Variants in DNM3 observed in about 807,000 individuals in gnomAD.
DNM3 encodes dynamin-3.
Under a neutral mutation model 101.6 loss-of-function variants are expected in DNM3, and 47 were observed. The observed-to-expected ratio is 0.46, with a 90% CI of 0.37 to 0.59. DNM3 has a LOEUF of 0.59. Ranked by LOEUF, DNM3 falls within the 20% of genes least tolerant of loss-of-function variation. The pLI is 0.00. For synonymous variants in DNM3, 385 were observed against 387.9 expected (o/e 0.99, Z 0.09); for missense variants, 849 against 1,085.7 (o/e 0.78, Z 3.06).
At chr1:172,144,408 GA>G (rs2057764117) in intron 14 of DNM3, 1 of 231,182 alleles carries the variant, frequency 4.3e-6, no homozygotes, top group Non-Finnish European at 9.1e-6. Flanking sequence ...CAGTGTCCCC[GA>G]GGGCTTCTTG....
chr1:172,075,585 CT>C (rs1240042531), intron 11 of DNM3, among the ~76,000 whole-genome samples: 2 of 152,004 alleles, frequency 1.3e-5, no homozygotes, highest in South Asian at 2.1e-4. Flanking sequence ...TTCCCCATTG[CT>C]TTTTTTTGGT....
intron 14 of DNM3, among the ~76,000 whole-genome samples, chr1:172,208,176 A>G (rs2060386802): frequency 6.6e-6 from 1 of 152,134 alleles, no homozygotes; most frequent in East Asian, 1.9e-4. Flanking sequence ...GATTTAGAAG[A>G]GAGGAGACCA....
chr1:172,201,111 T>C (rs997370431), intron 14 of DNM3, among the ~76,000 whole-genome samples: 1 of 152,154 alleles, frequency 6.6e-6, no homozygotes, highest in African/African-American at 2.4e-5. Flanking sequence ...CCTTTTTGTC[T>C]CTGGTTTAAG....
At chr1:172,076,828 A>G (rs2052692062) in intron 11 of DNM3, among the ~76,000 whole-genome samples, 1 of 152,220 alleles carries the variant, frequency 6.6e-6, no homozygotes, top group Non-Finnish European at 1.5e-5. Flanking sequence ...CGTTGGCATC[A>G]TAAAATGAGT....
At chr1:172,104,795 T>A (rs2054893624) in intron 13 of DNM3, among the ~76,000 whole-genome samples, 2 of 152,164 alleles carry the variant, frequency 1.3e-5, no homozygotes, top group South Asian at 2.1e-4. Context: ...TTATTGACAT[T>A]TTTCCCTGTA....
rs746627953 is a variant in DNM3 at position 171,989,164 on chromosome 1, C to T, written c.589+16C>T. On this transcript the variant is annotated intron_variant, in intron 4 of 20. Coordinates refer to ENST00000627582, the MANE Select transcript of DNM3 (RefSeq NM_015569.5). ...GATCCTCAAGGTGAGTGTGTGACTA[C>T]TAAGATGAGAAGGAATTAAAGTGTC... 7 of 1,607,578 alleles carry T rather than the reference C, an allele frequency of 4.4e-6. No homozygotes were observed. In the Admixed American group the frequency reaches 8.4e-5, roughly 19 times the overall value.
intron 14 of DNM3, chr1:172,139,645 A>G (rs2057458707): frequency 6.6e-6 from 1 of 152,164 alleles, no homozygotes; most frequent in African/African-American, 2.4e-5. Flanking sequence ...CTGTGAATCA[A>G]AAGGGTACAA....
Position 172,272,546 on chromosome 1 carries a change from A to G in DNM3, c.1769+18864A>G, listed in dbSNP as rs955439711. On this transcript the variant is annotated intron_variant, in intron 15 of 20. Transcript: ENST00000627582. ...AACCATGAAATTAAAGTGATTCTAC[A>G]CTTTGGCTATTTCAGTAATACTTGT... 9.2e-5 allele frequency among the ~76,000 whole-genome samples: 14 copies of G among 152,148 alleles called. 1 individual carries two copies. Among genetic ancestry groups the G allele is most frequent in the Admixed American group, 7.9e-4 (12 of 15,250 alleles).
intron 1 of DNM3, among the ~76,000 whole-genome samples, chr1:171,867,268 G>A (rs1051364984): frequency 1.3e-5 from 2 of 152,208 alleles, no homozygotes; most frequent in Non-Finnish European, 2.9e-5. Context: ...ATATAATTCT[G>A]GCTAATCCAT....
At chr1:172,034,165 G>A (rs1243704833) in intron 6 of DNM3, among the ~76,000 whole-genome samples, 2 of 151,900 alleles carry the variant, frequency 1.3e-5, no homozygotes, top group African/African-American at 4.8e-5. Flanking sequence ...AGAAATTTTA[G>A]AAAATAAAAA....
chr1:171,904,946 G>A (rs2038694579), intron 1 of DNM3, among the ~76,000 whole-genome samples: 2 of 152,146 alleles, frequency 1.3e-5, no homozygotes, highest in African/African-American at 4.8e-5. Flanking sequence ...GTGACTACAG[G>A]CCTTGCCTAA....
intron 4 of DNM3, among the ~76,000 whole-genome samples, chr1:172,015,508 AT>A (rs1449276271): frequency 6.6e-6 from 1 of 152,112 alleles, no homozygotes; most frequent in Non-Finnish European, 1.5e-5. Context: ...TTATACTTAA[AT>A]ATTTCATTTT....
rs1361874907 is a variant in DNM3, at chr1:171,980,819, G to A, written c.236-6837G>A. On this transcript the variant is annotated intron_variant, in intron 2 of 20. Transcript: ENST00000627582. ...AGAGTCTCACTCTGTCACTCAGGCT[G>A]GAGTGCAGTGACATGATCTAGGCTC... Among the ~76,000 whole-genome samples, 3 of 145,212 alleles carry A rather than the reference G, an allele frequency of 2.1e-5. No individual in the cohort carries two copies. The Admixed American group carries it at 2.1e-4, about 10-fold the overall frequency.
chr1:172,073,958 A>G (rs937082083), intron 11 of DNM3, among the ~76,000 whole-genome samples: 1 of 152,004 alleles, frequency 6.6e-6, no homozygotes, highest in African/African-American at 2.4e-5. Flanking sequence ...ATTGAATACT[A>G]TTTTTCACAG....
intron 14 of DNM3, among the ~76,000 whole-genome samples, chr1:172,248,588 ATAAAT>A (rs1400552028): frequency 6.6e-6 from 1 of 152,116 alleles, no homozygotes; most frequent in Non-Finnish European, 1.5e-5. Context: ...TGGCCTTGAA[ATAAAT>A]TTCAAGGCCA....
At chr1:172,045,643 G>T (rs567679160) in intron 9 of DNM3, among the ~76,000 whole-genome samples, 1 of 152,148 alleles carries the variant, frequency 6.6e-6, no homozygotes, top group Non-Finnish European at 1.5e-5. Context: ...TGATTTTAAA[G>T]CACATATTTA....
At chr1:172,262,297 G>A (rs1327736892) in intron 15 of DNM3, among the ~76,000 whole-genome samples, 1 of 152,132 alleles carries the variant, frequency 6.6e-6, no homozygotes, top group Admixed American at 6.5e-5. Flanking sequence ...AGGTATGATG[G>A]GCATGGGATC....
intron 14 of DNM3, among the ~76,000 whole-genome samples, chr1:172,218,933 A>G (rs778470182): frequency 6.6e-6 from 1 of 152,184 alleles, no homozygotes; most frequent in East Asian, 1.9e-4. Context: ...ACCTTCTTCA[A>G]AACTATGAAC....
chr1:171,982,413 C>A (rs2044871006), intron 2 of DNM3, among the ~76,000 whole-genome samples: 1 of 152,144 alleles, frequency 6.6e-6, no homozygotes, highest in Non-Finnish European at 1.5e-5. Flanking sequence ...TTACAGGTAG[C>A]CCTTTCCTGA....
Sources: allele counts gnomAD v4.1 joint callset (sites outside exome capture counted in the v4.1 genomes callset), GRCh38; gene constraint gnomAD v4.1.1; transcripts MANE v1.5; gene names NCBI Gene and HGNC (gene_info 2026-07-23, HGNC 2026-07-21).